The following TPM1 variants were observed in gnomAD, a reference collection of about 807,000 sequenced individuals.
The protein encoded by TPM1 is tropomyosin 1.
TPM1 carries 24 observed loss-of-function variants against 42.9 expected under a neutral mutation model. That is an observed-to-expected ratio of 0.56 (90% CI 0.41 to 0.79). The LOEUF (loss-of-function observed/expected upper bound fraction) is 0.79. Among genes scored for constraint, TPM1 ranks in the 30% least tolerant of loss-of-function variants. The pLI is 0.00. For synonymous variants in TPM1, 136 were observed against 130.1 expected (o/e 1.05, Z -0.31); for missense variants, 158 against 351.8 (o/e 0.45, Z 4.41).
chr15:63,045,314 CA>C (rs1231511572), intron 2 of TPM1: 1 of 151,962 alleles, frequency 6.6e-6, no homozygotes, highest in East Asian at 1.9e-4. Flanking sequence ...TAGGATCTGA[CA>C]AAAAGAAATT....
chr15:63,068,568 T>A (rs558800763), downstream of TPM1, among the ~76,000 whole-genome samples: 2 of 152,262 alleles, frequency 1.3e-5, no homozygotes, highest in Admixed American at 6.5e-5. Context: ...GTCTGTTAGC[T>A]TTTCAAGATC....
chr15:63,044,338 A>G (rs1040706922), intron 2 of TPM1, 186 bp downstream of exon 2: 23 of 827,112 alleles, frequency 2.8e-5, no homozygotes, highest in Non-Finnish European at 4.1e-5. Flanking sequence ...TTTATATTTC[A>G]TCCACTCCTC....
intron 2 of TPM1, chr15:63,048,405 G>A: frequency 7.4e-7 from 1 of 1,359,490 alleles, no homozygotes; most frequent in Non-Finnish European, 9.4e-7. Flanking sequence ...CAGCCCTGGA[G>A]GCTGCGACTT....
At chr15:63,060,766 A>G (rs2035501655) in intron 4 of TPM1, 103 bp from the exon 5 acceptor site, 2 of 1,308,966 alleles carry the variant, frequency 1.5e-6, no homozygotes, top group East Asian at 4.6e-5. Flanking sequence ...GTTTGTAGAC[A>G]AAACCCTTAG....
intron 9 of TPM1, 48 bp from the exon 10 acceptor site, chr15:63,065,848 C>A (rs184303462): frequency 5.9e-6 from 8 of 1,346,956 alleles, no homozygotes; most frequent in Non-Finnish European, 6.9e-6. Flanking sequence ...TTTTTTTTTT[C>A]TCATTGTGCC....
At chr15:63,068,418 GC>G (rs1039040458), downstream of TPM1, among the ~76,000 whole-genome samples, 3 of 152,192 alleles carry the variant, frequency 2.0e-5, no homozygotes, top group African/African-American at 7.2e-5. Flanking sequence ...AGAGGACAGA[GC>G]AGCAGATATT....
At chr15:63,046,635 C>T (rs1320943928) in intron 2 of TPM1, 1 of 152,566 alleles carries the variant, frequency 6.6e-6, no homozygotes, top group Non-Finnish European at 1.5e-5. Context: ...AAAAGTGAGG[C>T]TGAAGGGGAT....
chr15:63,048,556 C>T, intron 2 of TPM1: 1 of 1,520,438 alleles, frequency 6.6e-7, no homozygotes, highest in Non-Finnish European at 8.8e-7. Flanking sequence ...AGCCCTCCCG[C>T]CCGCCTACCG....
intron 2 of TPM1, chr15:63,048,036 T>A (rs1170637498): frequency 3.1e-6 from 1 of 321,676 alleles, no homozygotes; most frequent in Non-Finnish European, 6.0e-6. Flanking sequence ...GCGGTTGGGA[T>A]CAGGCCCTTT....
At chr15:63,069,437 G>C (rs2141030385), downstream of TPM1, among the ~76,000 whole-genome samples, 1 of 152,310 alleles carries the variant, frequency 6.6e-6, no homozygotes, top group East Asian at 1.9e-4. Context: ...CACTGGGCAG[G>C]TTGATGTTTC....
intron 2 of TPM1, chr15:63,048,142 G>A (rs372210414): frequency 4.6e-6 from 2 of 439,390 alleles, no homozygotes; most frequent in South Asian, 1.6e-5. Flanking sequence ...CGGCCAGCAG[G>A]AGTCGCTATT....
intron 5 of TPM1, chr15:63,061,358 A>G: frequency 4.0e-6 from 5 of 1,251,034 alleles, no homozygotes; most frequent in Non-Finnish European, 5.9e-6. Context: ...GTTTGGTATA[A>G]CGACTGCACC....
At position 63,066,088 on chromosome 15, in the gene TPM1, A is replaced by G; in HGVS notation, c.*189A>G. 6.6e-7 allele frequency: 1 copy of G among 1,509,182 alleles called. No individual in the cohort carries two copies. Among genetic ancestry groups the G allele is most frequent in the Non-Finnish European group, 8.8e-7 (1 of 1,136,480 alleles). 93.5% of individuals were successfully genotyped at this position (1,509,182 alleles called of 1,614,324 possible). The stretch of plus-strand genomic sequence containing the variant: ...TTTCAGTGTCAAATAAACACTGTGT[A>G]AGCTATTTCTGTTTGCTATTCTTTT... On this transcript the variant is annotated 3_prime_UTR_variant, in exon 10 of 10. Transcript: ENST00000403994.
At chr15:63,048,259 C>T (rs2032863031) in intron 2 of TPM1, 1 of 534,434 alleles carries the variant, frequency 1.9e-6, no homozygotes, top group East Asian at 6.0e-5. Flanking sequence ...GCGCCCAGCT[C>T]ACCAGGTACC....
At position 63,066,108 on chromosome 15, in the gene TPM1, T is replaced by G; in HGVS notation, c.*209T>G. The stretch of plus-strand genomic sequence containing the variant: ...TGTGTAAGCTATTTCTGTTTGCTAT[T>G]CTTTTTACTTCTTATTTATTGACAT... On this transcript the variant is annotated 3_prime_UTR_variant, in exon 10 of 10. Coordinates refer to ENST00000403994, the MANE Select transcript of TPM1 (RefSeq NM_001018005.2). 1 of 1,491,306 alleles carries G rather than the reference T, an allele frequency of 6.7e-7. No homozygotes were observed. Among genetic ancestry groups the G allele is most frequent in the Non-Finnish European group, 8.9e-7 (1 of 1,129,828 alleles). 92.4% of individuals were successfully genotyped at this position (1,491,306 alleles called of 1,614,324 possible). A position where few individuals can be genotyped will look rare whatever the true frequency, so the allele number is the denominator to read the frequency against.
intron 5 of TPM1, chr15:63,061,430 C>G: frequency 1.2e-6 from 1 of 800,894 alleles, no homozygotes; most frequent in South Asian, 1.5e-5. Flanking sequence ...CCTTTATGCT[C>G]CTTTGTTTTC....
intron 2 of TPM1, 45 bp downstream of exon 2, chr15:63,044,197 G>A: frequency 6.2e-7 from 1 of 1,613,880 alleles, no homozygotes; most frequent in East Asian, 2.2e-5. Flanking sequence ...TGCCTGCGTG[G>A]CCACTCCGGG....
At chr15:63,043,851 C>A (rs552329164) in intron 1 of TPM1, 176 bp from the exon 2 acceptor site, 1 of 1,548,820 alleles carries the variant, frequency 6.5e-7, no homozygotes, top group Non-Finnish European at 8.7e-7. Flanking sequence ...GCGCGCGGCA[C>A]GGCGTGGCGC....
chr15:63,070,658 T>G (rs1268785183), downstream of TPM1: 1 of 1,004,490 alleles, frequency 1.0e-6, no homozygotes, highest in Non-Finnish European at 1.2e-6. Context: ...TCATCTTTGC[T>G]TTTGTGAGTT....
Sources: gnomAD v4.1 joint callset for allele counts (sites outside exome capture counted in the v4.1 genomes callset) on GRCh38, gnomAD v4.1.1 for gene constraint, MANE v1.5 for transcripts, NCBI Gene and HGNC (gene_info 2026-07-23, HGNC 2026-07-21) for gene names.